Variants in ALG10B observed in about 807,000 individuals in gnomAD.
ALG10B encodes dol-P-Glc:Glc(2)Man(9)GlcNAc(2)-PP-Dol alpha-1,2-glucosyltransferase B.
In ALG10B, 27 loss-of-function variants were observed where a neutral mutation model predicts 38.7. That is an observed-to-expected ratio of 0.70 (90% confidence interval 0.51 to 0.96). ALG10B has a LOEUF of 0.96. Ranked by LOEUF, ALG10B falls within the 40% of genes least tolerant of loss-of-function variation. ALG10B has a pLI of 0.00. For synonymous variants in ALG10B, 177 were observed against 193.3 expected, an observed-to-expected ratio of 0.92 and a Z score of 0.70; for missense variants, 522 against 542.7, an observed-to-expected ratio of 0.96 and a Z score of 0.38.
intron 1 of ALG10B, chr12:38,317,637 TAAAC>T (rs1437067889): frequency 6.0e-6 from 1 of 166,370 alleles, no homozygotes; most frequent in African/African-American, 2.4e-5. Context: ...AATATCAAAA[TAAAC>T]ATCCCCTGCT....
At chr12:38,317,104 A>G (rs1349420790) in intron 1 of ALG10B, 40 bp downstream of exon 1, 1 of 1,613,388 alleles carries the variant, frequency 6.2e-7, no homozygotes, top group East Asian at 2.2e-5. Flanking sequence ...GAGAGGCCTG[A>G]AAGGTCCCAG....
At chr12:38,319,051 G>T (rs761794412) in intron 2 of ALG10B, among the ~76,000 whole-genome samples, 3 of 152,126 alleles carry the variant, frequency 2.0e-5, no homozygotes, top group African/African-American at 7.2e-5. Context: ...TATAGTAAGG[G>T]CTCAGTAAAT....
At position 38,318,352 on chromosome 12, in the gene ALG10B, A is replaced by C; in HGVS notation, c.263A>C (p.His88Pro). The part of the protein sequence containing the change: ...PAIWIFAWSE[H>P]VVCSIGMLRF... ...ATTTGGATCTTTGCATGGTCTGAAC[A>C]TGTTGTCTGCTCCATTGGGATGCTC... The change falls in exon 2 of 3, where the codon CAT becomes CCT. Residue 88 changes from histidine (H) to proline (P), a missense_variant. Physicochemically the swap from His to Pro is moderately conservative, Grantham distance 77 (BLOSUM62 -2). Coordinates refer to ENST00000308742, the MANE Select transcript of ALG10B (RefSeq NM_001013620.4). 1 of 1,614,166 alleles carries C rather than the reference A, an allele frequency of 6.2e-7. No homozygotes were observed. The highest frequency in any genetic ancestry group is 8.5e-7 in the Non-Finnish European group (1 of 1,180,002).
chr12:38,324,836 A>G lies in ALG10B; in HGVS notation c.*3623A>G, dbSNP rs1490546879. On this transcript the variant is annotated 3_prime_UTR_variant, in exon 3 of 3. Coordinates refer to ENST00000308742, the MANE Select transcript of ALG10B (RefSeq NM_001013620.4). Reference sequence around the variant, plus strand: ...TAGATATTTTTTCATGAATTTTTAAACATTAGACTTAGCTGAATTGATTAA... The same window carrying G: ...TAGATATTTTTTCATGAATTTTTAAGCATTAGACTTAGCTGAATTGATTAA... 6 of 152,208 alleles carry G rather than the reference A, an allele frequency of 3.9e-5. No individual in the cohort carries two copies. Among genetic ancestry groups the G allele is most frequent in the Non-Finnish European group, 7.4e-5 (5 of 68,020 alleles). The allele number at this position is 152,208 out of a possible 1,614,324, so 9.4% of individuals were successfully genotyped here.
In ALG10B at chr12:38,327,094, A is replaced by G. The variant is rs1158344630; in HGVS notation, c.*5881A>G. 2.7e-5 allele frequency: 4 copies of G among 147,026 alleles called. No individual in the cohort carries two copies. Among genetic ancestry groups the G allele is most frequent in the African/African-American group, 5.0e-5 (2 of 40,172 alleles). The allele number at this position is 147,026 out of a possible 1,614,324, so 9.1% of individuals were successfully genotyped here. A position where few individuals can be genotyped will look rare whatever the true frequency, so the allele number is the denominator to read the frequency against. ...ATACAAATTTGTATATATGTAATGT[A>G]TGTGTGTGTGTATACATATAATTTC... On this transcript the variant is annotated 3_prime_UTR_variant, in exon 3 of 3. Coordinates refer to ENST00000308742, the MANE Select transcript of ALG10B (RefSeq NM_001013620.4).
intron 2 of ALG10B, among the ~76,000 whole-genome samples, chr12:38,319,179 G>T (rs1471991319): frequency 1.3e-5 from 2 of 152,158 alleles, no homozygotes. Context: ...AACACTTACT[G>T]CTTTTCTGGG....
rs1945718416 is a variant in ALG10B, at chr12:38,323,386, T to C, written c.*2173T>C. 6.6e-6 allele frequency: 1 copy of C among 152,526 alleles called. No individual in the cohort carries two copies. The highest frequency in any genetic ancestry group is 2.4e-5 in the African/African-American group (1 of 41,466). The allele number at this position is 152,526 out of a possible 1,614,324, so 9.4% of individuals were successfully genotyped here. On this transcript the variant is annotated 3_prime_UTR_variant, in exon 3 of 3. Transcript: ENST00000308742. ...GTTACTTTTTGAATTTTGTGTTTAT[T>C]ATTTTGAGTGTATTTTTTGGGTTGT...
chr12:38,316,729 G>A (rs1945657891), upstream of ALG10B: 5 of 1,192,754 alleles, frequency 4.2e-6, no homozygotes, highest in Admixed American at 8.6e-5. Flanking sequence ...GCGACCCGCT[G>A]TTTTCCGGAT....
At chr12:38,317,344 C>T in intron 1 of ALG10B, 1 of 517,792 alleles carries the variant, frequency 1.9e-6, no homozygotes, top group Non-Finnish European at 3.4e-6. Context: ...CAATATCGAT[C>T]CCACTTTGTT....
At chr12:38,320,107 A>T (rs1247275626) in intron 2 of ALG10B, 54 bp from the exon 3 acceptor site, 3 of 1,603,644 alleles carry the variant, frequency 1.9e-6, no homozygotes, top group Non-Finnish European at 2.6e-6. Flanking sequence ...TTAGGTAAGC[A>T]GAAATAGCAT....
Position 38,320,372 on chromosome 12 carries a change from T to C in ALG10B, c.581T>C (p.Val194Ala). The change falls in exon 3 of 3, where the codon GTC (valine) becomes GCC (alanine). Residue 194 changes from valine (V) to alanine (A), a missense_variant. Physicochemically the swap from Val to Ala is moderately conservative, Grantham distance 64 (BLOSUM62 0). Coordinates refer to ENST00000308742, the MANE Select transcript of ALG10B (RefSeq NM_001013620.4). ...CGGCAAACAAATATCATCTGGGCTG[T>C]CTTCTGTGCAGGGAATGTCATTGCA... is the stretch of plus-strand genomic sequence containing the variant. Reference protein sequence around the residue: ...MFRQTNIIWAVFCAGNVIAQK... With the variant: ...MFRQTNIIWAAFCAGNVIAQK... 1.2e-6 allele frequency: 2 copies of C among 1,614,122 alleles called. No homozygotes were observed. Among genetic ancestry groups the C allele is most frequent in the South Asian group, 2.2e-5 (2 of 91,084 alleles).
At chr12:38,317,111 C>T (rs1945662908) in intron 1 of ALG10B, 47 bp downstream of exon 1, 5 of 1,612,108 alleles carry the variant, frequency 3.1e-6, no homozygotes, top group African/African-American at 2.7e-5. Flanking sequence ...CTGAAAGGTC[C>T]CAGCGTCCCC....
At chr12:38,318,949 A>C (rs184201733) in intron 2 of ALG10B, among the ~76,000 whole-genome samples, 272 of 152,328 alleles carry the variant, frequency 1.8e-3, no homozygotes, top group African/African-American at 6.1e-3. Flanking sequence ...TCATCTGTTA[A>C]ATAAGAATAA....
In ALG10B at chr12:38,320,884, A is replaced by T. The variant is rs1945697691; in HGVS notation, c.1093A>T (p.Arg365Ter). Residue 365 changes from arginine (R) to a stop codon, truncating the protein, a stop_gained, in exon 3 of 3, where the codon AGA (arginine) becomes TGA (stop). Coordinates refer to ENST00000308742, the MANE Select transcript of ALG10B (RefSeq NM_001013620.4). LOFTEE classifies it high-confidence loss of function. ...CTATGTGTGGAAAAGAGTTTTTCAAAGATATGCAATTCTGAAATATTTGTT... is the reference window on the plus strand; with the variant it reads ...CTATGTGTGGAAAAGAGTTTTTCAATGATATGCAATTCTGAAATATTTGTT... ...TFYVWKRVFQ[R>*]YAILKYLLVP... 1 of 1,613,656 alleles carries T rather than the reference A, an allele frequency of 6.2e-7. No homozygotes were observed. Among genetic ancestry groups the T allele is most frequent in the South Asian group, 1.1e-5 (1 of 91,008 alleles).
chr12:38,317,373 A>T (rs1310136951), intron 1 of ALG10B: 4 of 433,034 alleles, frequency 9.2e-6, no homozygotes, highest in Non-Finnish European at 1.7e-5. Context: ...TCTCAGGATT[A>T]AAGGCATTCG....
In ALG10B at chr12:38,326,510, C is replaced by A; in HGVS notation, c.*5297C>A. The A allele has an allele frequency of 1.0e-5, 1 of 99,588 alleles. No homozygotes were observed. Among genetic ancestry groups the A allele is most frequent in the Non-Finnish European group, 1.9e-5 (1 of 52,240 alleles). The allele number at this position is 99,588 out of a possible 1,614,324, so 6.2% of individuals were successfully genotyped here. ...TTATACCCTATTAAGGGTATAATTT[C>A]AAAATAATTGCTTTTTATTTAAAAT... On this transcript the variant is annotated 3_prime_UTR_variant, in exon 3 of 3. Transcript: ENST00000308742.
At position 38,321,092 on chromosome 12, in the gene ALG10B, C is replaced by T. The variant is rs1945700734; in HGVS notation, c.1301C>T (p.Thr434Ile). ...IYRLNITLPP[T>I]SRLVCELSCY... The stretch of plus-strand genomic sequence containing the variant: ...AGGCTTAACATAACTCTGCCTCCCA[C>T]ATCCAGACTTGTTTGTGAACTGAGT... The change falls in exon 3 of 3, where the codon ACA (threonine) becomes ATA (isoleucine). Residue 434 changes from threonine (T) to isoleucine (I), a missense_variant. Coordinates refer to ENST00000308742, the MANE Select transcript of ALG10B (RefSeq NM_001013620.4). The T allele has an allele frequency of 6.2e-7, 1 of 1,613,736 alleles. No individual in the cohort carries two copies. Among genetic ancestry groups the T allele is most frequent in the South Asian group, 1.1e-5 (1 of 91,058 alleles).
rs1684563014 is a variant in ALG10B, at chr12:38,325,347, A to G, written c.*4134A>G. On this transcript the variant is annotated 3_prime_UTR_variant, in exon 3 of 3. Transcript: ENST00000308742. ...TTATTTCTAATAAATACGTAGCTTA[A>G]TGAAATGTATTTCTAGTTTGAACTT... 6.6e-6 allele frequency: 1 copy of G among 152,230 alleles called. No individual in the cohort carries two copies. Among genetic ancestry groups the G allele is most frequent in the African/African-American group, 2.4e-5 (1 of 41,468 alleles). The allele number at this position is 152,230 out of a possible 1,614,324, so 9.4% of individuals were successfully genotyped here. A position where few individuals can be genotyped will look rare whatever the true frequency, so the allele number is the denominator to read the frequency against.
At position 38,329,121 on chromosome 12, in the gene ALG10B, A is replaced by T. The variant is rs1414627991; in HGVS notation, c.*7908A>T. The T allele has an allele frequency of 2.5e-6, 1 of 398,048 alleles. No homozygotes were observed. The highest frequency in any genetic ancestry group is 2.1e-5 in the African/African-American group (1 of 48,624). 24.7% of individuals were successfully genotyped at this position (398,048 alleles called of 1,614,324 possible). A position where few individuals can be genotyped will look rare whatever the true frequency, so the allele number is the denominator to read the frequency against. Reference sequence around the variant, plus strand: ...CATTTTAGAAGGAAAAATTGTCGCAAGTAATGTGATTATACTTCCTAGTTT... The same window carrying T: ...CATTTTAGAAGGAAAAATTGTCGCATGTAATGTGATTATACTTCCTAGTTT... On this transcript the variant is annotated 3_prime_UTR_variant, in exon 3 of 3. Transcript: ENST00000308742.
Sources: gnomAD v4.1 joint callset for allele counts (sites outside exome capture counted in the v4.1 genomes callset) on GRCh38, gnomAD v4.1.1 for gene constraint, MANE v1.5 for transcripts, NCBI Gene and HGNC (gene_info 2026-07-23, HGNC 2026-07-21) for gene names.